Variants in EBAG9 observed in about 807,000 individuals in gnomAD.
EBAG9 encodes estrogen receptor binding site associated antigen 9.
In EBAG9, 16 loss-of-function variants were observed where a neutral mutation model predicts 30.9. The observed-to-expected ratio is 0.52, with a 90% confidence interval of 0.35 to 0.79. The LOEUF is 0.79. EBAG9 is among the 30% of genes least tolerant of loss of function. EBAG9 has a pLI of 0.01. For missense variants in EBAG9, 197 were observed against 242.1 expected, an observed-to-expected ratio of 0.81 and a Z score of 1.24; for synonymous variants, 93 against 82.8, an observed-to-expected ratio of 1.12 and a Z score of -0.67.
At position 109,560,858 on chromosome 8, in the gene EBAG9, T is replaced by C; in HGVS notation, c.450T>C (p.Asp150=). Residue 150 remains aspartate, a synonymous_variant, in exon 6 of 7, where the codon GAT becomes GAC. Coordinates refer to ENST00000337573, the MANE Select transcript of EBAG9 (RefSeq NM_004215.5). ...IHQSSELGDL[D]TWQENTNAWE... ...TGTAGTCTGAATTAGGTGACTTAGA[T>C]ACCTGGCAGGAAAATACCAATGCAT... The C allele has an allele frequency of 6.2e-7, 1 of 1,612,896 alleles. No homozygotes were observed. The highest frequency in any genetic ancestry group is 8.5e-7 in the Non-Finnish European group (1 of 1,179,342).
At chr8:109,553,732 CTG>C in intron 2 of EBAG9, 131 bp from the exon 3 acceptor site, 2 of 654,018 alleles carry the variant, frequency 3.1e-6, no homozygotes, top group Non-Finnish European at 2.5e-6. Flanking sequence ...TAGTGAGTAA[CTG>C]TTACTAAAAT....
chr8:109,558,490 A>G (rs933248507), intron 5 of EBAG9, among the ~76,000 whole-genome samples: 5 of 152,166 alleles, frequency 3.3e-5, no homozygotes, highest in African/African-American at 1.2e-4. Flanking sequence ...TTTGATCCAT[A>G]TTGGTGAAAT....
chr8:109,555,021 A>G, intron 4 of EBAG9, 134 bp downstream of exon 4: 2 of 893,302 alleles, frequency 2.2e-6, no homozygotes, highest in Admixed American at 2.9e-5. Flanking sequence ...TTTAGGGTAC[A>G]TGTGCACAAC....
chr8:109,554,626 T>C (rs1164542615), intron 3 of EBAG9, 103 bp from the exon 4 acceptor site: 3 of 1,201,920 alleles, frequency 2.5e-6, no homozygotes, highest in East Asian at 2.4e-5. Flanking sequence ...TAAAAAAGTT[T>C]GAAAACCAGT....
intron 1 of EBAG9, among the ~76,000 whole-genome samples, chr8:109,548,820 A>G (rs1296350950): frequency 6.6e-6 from 1 of 150,798 alleles, no homozygotes; most frequent in African/African-American, 2.4e-5. Flanking sequence ...CACATAGAAT[A>G]TCACACTTTT....
Position 109,559,247 on chromosome 8 carries a change from AG to A in EBAG9, c.430-1589del, listed in dbSNP as rs538574852. On this transcript the variant is annotated intron_variant, in intron 5 of 6. Transcript: ENST00000337573. ...CAAGGCGGGCAGGTCACTTGAGCTC[AG>A]GAATTCGAGACCAGCCTAGGCAACA... 3.0e-4 allele frequency among the ~76,000 whole-genome samples: 45 copies of A among 152,244 alleles called. No homozygotes were observed. In the South Asian group the frequency reaches 9.3e-3, roughly 32 times the overall value.
chr8:109,544,775 A>G (rs1032192775), intron 1 of EBAG9, among the ~76,000 whole-genome samples: 1 of 152,204 alleles, frequency 6.6e-6, no homozygotes, highest in African/African-American at 2.4e-5. Flanking sequence ...AAAAATGACT[A>G]TCTCTAATGG....
intron 4 of EBAG9, among the ~76,000 whole-genome samples, chr8:109,556,647 A>G (rs1420158518): frequency 1.3e-5 from 2 of 152,158 alleles, no homozygotes; most frequent in African/African-American, 4.8e-5. Flanking sequence ...TATTTAATAC[A>G]GTAACTAAAA....
intron 1 of EBAG9, among the ~76,000 whole-genome samples, chr8:109,547,694 A>G (rs1008033965): frequency 2.0e-5 from 3 of 151,798 alleles, no homozygotes; most frequent in African/African-American, 7.3e-5. Context: ...GTTGGCCAGG[A>G]TGGTCTTGAT....
Position 109,556,949 on chromosome 8 carries a change from G to C in EBAG9, c.336G>C (p.Lys112Asn). Residue 112 changes from lysine (K) to asparagine (N), a missense_variant, in exon 5 of 7, where the codon AAG (lysine) becomes AAC (asparagine). Transcript: ENST00000337573. The part of the protein sequence containing the change: ...IRKTQKIVIK[K>N]REPLNFGIPD... Reference sequence around the variant, plus strand: ...TAATCTTTCAGATTGTTATTAAGAAGAGAGAACCATTGAATTTTGGCATCC... The same window carrying C: ...TAATCTTTCAGATTGTTATTAAGAACAGAGAACCATTGAATTTTGGCATCC... 6.3e-7 allele frequency: 1 copy of C among 1,592,234 alleles called. No individual in the cohort carries two copies. Among genetic ancestry groups the C allele is most frequent in the South Asian group, 1.1e-5 (1 of 87,916 alleles).
At chr8:109,554,690 G>T in intron 3 of EBAG9, 39 bp from the exon 4 acceptor site, 1 of 1,584,202 alleles carries the variant, frequency 6.3e-7, no homozygotes, top group Non-Finnish European at 8.6e-7. Context: ...TCATTAAGTT[G>T]CCCCTTTGTG....
intron 1 of EBAG9, among the ~76,000 whole-genome samples, chr8:109,546,314 GTA>G (rs1212249064): frequency 6.6e-6 from 1 of 152,118 alleles, no homozygotes; most frequent in Non-Finnish European, 1.5e-5. Flanking sequence ...GCAATAAACT[GTA>G]TATAATTAAA....
chr8:109,554,103 C>A (rs1360388387), intron 3 of EBAG9, among the ~76,000 whole-genome samples, 160 bp downstream of exon 3: 3 of 152,126 alleles, frequency 2.0e-5, no homozygotes, highest in Non-Finnish European at 2.9e-5. Flanking sequence ...TTTGGTTCTA[C>A]ATTTTATCTT....
chr8:109,565,125 G>A lies in EBAG9; in HGVS notation c.*566G>A, dbSNP rs1380556305. The A allele has an allele frequency of 6.6e-6, 1 of 152,318 alleles. No individual in the cohort carries two copies. Among genetic ancestry groups the A allele is most frequent in the Non-Finnish European group, 1.5e-5 (1 of 67,944 alleles). 9.4% of individuals were successfully genotyped at this position (152,318 alleles called of 1,614,324 possible). Reference sequence around the variant, plus strand: ...AGGAATTTGATGATTTTCATTTCATGAAAATGACATTAAATGCAATAATTT... The same window carrying A: ...AGGAATTTGATGATTTTCATTTCATAAAAATGACATTAAATGCAATAATTT... On this transcript the variant is annotated 3_prime_UTR_variant, in exon 7 of 7. Coordinates refer to ENST00000337573, the MANE Select transcript of EBAG9 (RefSeq NM_004215.5).
intron 1 of EBAG9, among the ~76,000 whole-genome samples, chr8:109,546,784 G>A (rs1339545852): frequency 1.3e-5 from 2 of 152,102 alleles, no homozygotes; most frequent in East Asian, 1.9e-4. Context: ...ATCATACAGT[G>A]TATATTTTTT....
At chr8:109,556,569 T>C (rs1821601368) in intron 4 of EBAG9, among the ~76,000 whole-genome samples, 1 of 152,274 alleles carries the variant, frequency 6.6e-6, no homozygotes, top group African/African-American at 2.4e-5. Context: ...AATGAGTTAA[T>C]GTATTCATAG....
chr8:109,563,260 C>T, intron 6 of EBAG9: 1 of 893,840 alleles, frequency 1.1e-6, no homozygotes, highest in Admixed American at 2.2e-5. Context: ...ATATTGAGCT[C>T]CCCCAGACAT....
At chr8:109,553,272 A>G (rs971457077) in intron 2 of EBAG9, among the ~76,000 whole-genome samples, 17 of 152,216 alleles carry the variant, frequency 1.1e-4, no homozygotes, top group Non-Finnish European at 1.0e-4. Flanking sequence ...AAAAGTAGGT[A>G]ATTCTAACTA....
chr8:109,560,466 C>A (rs1586694906), intron 5 of EBAG9, among the ~76,000 whole-genome samples: 1 of 152,206 alleles, frequency 6.6e-6, no homozygotes, highest in South Asian at 2.1e-4. Context: ...AGTCTGGGAT[C>A]AGTCAGTTTC....
Sources: gnomAD v4.1 joint callset for allele counts (sites outside exome capture counted in the v4.1 genomes callset) on GRCh38, gnomAD v4.1.1 for gene constraint, MANE v1.5 for transcripts, NCBI Gene and HGNC (gene_info 2026-07-23, HGNC 2026-07-21) for gene names.